ANP32A: variants seen among roughly 807,000 people sequenced by gnomAD.
The protein encoded by ANP32A is acidic nuclear phosphoprotein 32 family member A.
In ANP32A, 1 loss-of-function variant was observed where a neutral mutation model predicts 33.9. The ratio of observed to expected loss-of-function variants is 0.03; its 90% CI spans 0.01 to 0.14. ANP32A has a LOEUF of 0.14. Among genes scored for constraint, ANP32A ranks in the 10% least tolerant of loss-of-function variants. The probability of loss-of-function intolerance (pLI) is 1.00; values close to 1 mark genes in which losing one functional copy is unlikely to be tolerated. For missense variants in ANP32A, 155 were observed against 306.0 expected, an observed-to-expected ratio of 0.51 and a Z score of 3.68; for synonymous variants, 115 against 120.5, an observed-to-expected ratio of 0.95 and a Z score of 0.30.
At chr15:68,817,979 C>A (rs1292171142) in intron 1 of ANP32A, among the ~76,000 whole-genome samples, 2 of 152,160 alleles carry the variant, frequency 1.3e-5, no homozygotes, top group Non-Finnish European at 2.9e-5. Context: ...GCGGCTCCTG[C>A]CCCCCAGTAA....
In ANP32A at chr15:68,779,901, C is replaced by A; in HGVS notation, c.*180G>T. On this transcript the variant is annotated 3_prime_UTR_variant, in exon 7 of 7. Coordinates refer to ENST00000465139, the MANE Select transcript of ANP32A (RefSeq NM_006305.4). The stretch of plus-strand genomic sequence containing the variant: ...CAGTAAAAATAGTATTTTATTCCAC[C>A]CCCACCCGCCATCCCTCCCCCCGCA... 1 of 546,200 alleles carries A rather than the reference C, an allele frequency of 1.8e-6. No individual in the cohort carries two copies. Among genetic ancestry groups the A allele is most frequent in the Non-Finnish European group, 3.2e-6 (1 of 309,276 alleles). 33.8% of individuals were successfully genotyped at this position (546,200 alleles called of 1,614,324 possible). A position where few individuals can be genotyped will look rare whatever the true frequency, so the allele number is the denominator to read the frequency against.
chr15:68,780,548 C>A lies in ANP32A; in HGVS notation c.625-75G>T. 1.3e-6 allele frequency: 2 copies of A among 1,590,544 alleles called. No individual in the cohort carries two copies. Among genetic ancestry groups the A allele is most frequent in the Non-Finnish European group, 1.7e-6 (2 of 1,169,514 alleles). On this transcript the variant is annotated intron_variant, in intron 5 of 6. Transcript: ENST00000465139. This position sits in a 1 kb window ranked among gnomAD's most constrained non-coding sequence, Gnocchi z 4.3. ...CATGCTGAGGAAGCCACACAGAGCA[C>A]AAAAAGGCCGGGGTCACCCCCAGCC...
At chr15:68,790,086 C>T (rs767610577) in intron 1 of ANP32A, 5 of 152,310 alleles carry the variant, frequency 3.3e-5, no homozygotes, top group Admixed American at 6.5e-5. Context: ...CCATCTCCTT[C>T]GTTTGCAGTA....
intron 1 of ANP32A, among the ~76,000 whole-genome samples, chr15:68,802,945 T>C (rs1486165097): frequency 1.3e-5 from 2 of 152,286 alleles, no homozygotes; most frequent in Non-Finnish European, 2.9e-5. Context: ...TGAGCCATTG[T>C]GCCCAGCCCA....
At chr15:68,819,012 C>T (rs536210257) in intron 1 of ANP32A, among the ~76,000 whole-genome samples, 61 of 152,366 alleles carry the variant, frequency 4.0e-4, no homozygotes, top group Non-Finnish European at 7.2e-4. Flanking sequence ...ACTCGCACGT[C>T]TCCAGTCCAC....
In ANP32A at chr15:68,806,757, A is replaced by C. The variant is rs562451599; in HGVS notation, c.54+13941T>G. On this transcript the variant is annotated intron_variant, in intron 1 of 6. Coordinates refer to ENST00000465139, the MANE Select transcript of ANP32A (RefSeq NM_006305.4). ...TCTTCAGAGACCACAACCAGGGTAC[A>C]CCCAAATCTTCATGGGGAAAGGAAG... Among the ~76,000 whole-genome samples, 3 of 152,378 alleles carry C rather than the reference A, an allele frequency of 2.0e-5. No individual in the cohort carries two copies. In the South Asian group the frequency reaches 6.2e-4, roughly 32 times the overall value.
At chr15:68,810,152 G>A (rs750802403) in intron 1 of ANP32A, among the ~76,000 whole-genome samples, 16 of 152,206 alleles carry the variant, frequency 1.1e-4, no homozygotes, top group Non-Finnish European at 2.1e-4. Context: ...AGTGGGGCAA[G>A]GGAACAGATG....
chr15:68,795,853 G>A (rs1376163218), intron 1 of ANP32A, among the ~76,000 whole-genome samples: 1 of 152,050 alleles, frequency 6.6e-6, no homozygotes, highest in East Asian at 1.9e-4. Flanking sequence ...TCTACCTCCC[G>A]CAGGAAGCCT....
rs901041812 is a variant in ANP32A at position 68,780,561 on chromosome 15, G to A, written c.625-88C>T. ...CCACACAGAGCACAAAAAGGCCGGGGTCACCCCCAGCCTCTCAGAGCCCCC... is the reference window on the plus strand; with the variant it reads ...CCACACAGAGCACAAAAAGGCCGGGATCACCCCCAGCCTCTCAGAGCCCCC... On this transcript the variant is annotated intron_variant, in intron 5 of 6. Transcript: ENST00000465139. This position sits in a 1 kb window ranked among gnomAD's most constrained non-coding sequence, Gnocchi z 4.3. 5.7e-6 allele frequency: 9 copies of A among 1,569,210 alleles called. No homozygotes were observed. The East Asian group carries it at 1.4e-4, about 24-fold the overall frequency.
At chr15:68,802,620 A>T (rs1179399796) in intron 1 of ANP32A, among the ~76,000 whole-genome samples, 1 of 152,206 alleles carries the variant, frequency 6.6e-6, no homozygotes, top group Non-Finnish European at 1.5e-5. Context: ...TCTGACCTAC[A>T]GGGTGGCAGT....
intron 1 of ANP32A, among the ~76,000 whole-genome samples, chr15:68,795,358 C>T (rs534899249): frequency 4.6e-5 from 7 of 152,276 alleles, no homozygotes; most frequent in African/African-American, 1.2e-4. Context: ...TGAAGGCAGG[C>T]GGGGAGCACA....
chr15:68,788,084 G>A (rs1421074885), intron 1 of ANP32A, among the ~76,000 whole-genome samples, 165 bp from the exon 2 acceptor site: 1 of 152,152 alleles, frequency 6.6e-6, no homozygotes, highest in East Asian at 1.9e-4. Flanking sequence ...ACGACCACAG[G>A]ATGGATTTGC....
intron 1 of ANP32A, chr15:68,791,057 C>G (rs886591361): frequency 7.2e-5 from 11 of 152,316 alleles, no homozygotes; most frequent in African/African-American, 2.6e-4. Context: ...AAAGGTTACT[C>G]TCTCCTGTCC....
At chr15:68,784,187 T>C (rs2140359582) in intron 4 of ANP32A, 1 of 603,372 alleles carries the variant, frequency 1.7e-6, no homozygotes. Flanking sequence ...AGTCAACCAA[T>C]GAGACAGATT....
chr15:68,802,480 C>T (rs117870367), intron 1 of ANP32A, among the ~76,000 whole-genome samples: 2,426 of 152,204 alleles, frequency 0.016, 28 homozygotes, highest in Non-Finnish European at 0.022. Context: ...CTTAACCAGT[C>T]TCTTATTGAT....
At chr15:68,820,230 G>A (rs1159805285) in intron 1 of ANP32A, among the ~76,000 whole-genome samples, 1 of 152,186 alleles carries the variant, frequency 6.6e-6, no homozygotes, top group Non-Finnish European at 1.5e-5. Context: ...GCGGGAGGGG[G>A]GCGGAAGGGG....
At position 68,779,888 on chromosome 15, in the gene ANP32A, T is replaced by G; in HGVS notation, c.*193A>C. 1.8e-6 allele frequency: 1 copy of G among 556,250 alleles called. No homozygotes were observed. Among genetic ancestry groups the G allele is most frequent in the Non-Finnish European group, 3.2e-6 (1 of 316,428 alleles). The allele number at this position is 556,250 out of a possible 1,614,324, so 34.5% of individuals were successfully genotyped here. ...AAATAAAGAGTGGCAGTAAAAATAGTATTTTATTCCACCCCCACCCGCCAT... is the reference window on the plus strand; with the variant it reads ...AAATAAAGAGTGGCAGTAAAAATAGGATTTTATTCCACCCCCACCCGCCAT... On this transcript the variant is annotated 3_prime_UTR_variant, in exon 7 of 7. Transcript: ENST00000465139.
intron 5 of ANP32A, among the ~76,000 whole-genome samples, chr15:68,782,468 C>A (rs1432533535): frequency 6.6e-6 from 1 of 152,136 alleles, no homozygotes; most frequent in African/African-American, 2.4e-5. Flanking sequence ...AAACTGGGAA[C>A]CAGCCAATCT....
At chr15:68,820,394 A>G (rs2140378759) in intron 1 of ANP32A, among the ~76,000 whole-genome samples, 1 of 151,770 alleles carries the variant, frequency 6.6e-6, no homozygotes, top group South Asian at 2.1e-4. Context: ...TCCGACCCAA[A>G]CGCGTGCGCC....
Sources: allele counts gnomAD v4.1 joint callset (sites outside exome capture counted in the v4.1 genomes callset), GRCh38; gene constraint gnomAD v4.1.1; non-coding constraint Gnocchi (gnomAD v3.1); transcripts MANE v1.5; gene names NCBI Gene and HGNC (gene_info 2026-07-23, HGNC 2026-07-21).